SEBOX: variants seen among roughly 807,000 people sequenced by gnomAD.
The protein encoded by SEBOX is SEBOX homeobox, also known as homeobox protein SEBOX.
SEBOX carries 10 observed loss-of-function variants against 7.8 expected under a neutral mutation model. That is an observed-to-expected ratio of 1.28 (90% CI 0.79 to 2.17). SEBOX has a LOEUF of 2.17. SEBOX is among the 30% of genes most tolerant of loss of function. SEBOX has a pLI of 0.00. For synonymous variants in SEBOX, 98 were observed against 91.5 expected (o/e 1.07, Z -0.40); for missense variants, 240 against 239.5 (o/e 1.00, Z -0.01).
chr17:28,364,566 C>T lies in SEBOX; in HGVS notation c.275G>A (p.Ser92Asn), dbSNP rs368941275. 3.2e-6 allele frequency: 5 copies of T among 1,570,542 alleles called. No individual in the cohort carries two copies. The highest frequency in any genetic ancestry group is 1.2e-5 in the South Asian group (1 of 84,458). Residue 92 changes from serine to asparagine, a missense_variant, in exon 3 of 3, where the codon AGC becomes AAC. Coordinates refer to ENST00000536498, the MANE Select transcript of SEBOX (RefSeq NM_001080837.4). ...GAGGGTGTCTGGAAGAGAACAGGAG[C>T]TCTGGGGGCACTCAGACCCAGGGCT... ...ILSPGSECPQSSCSLPDTLQQ... is the reference protein window; with the variant it reads ...ILSPGSECPQNSCSLPDTLQQ...
intron 1 of SEBOX, 45 bp from the exon 2 acceptor site, chr17:28,365,000 C>T (rs1439611715): frequency 6.3e-7 from 1 of 1,589,144 alleles, no homozygotes; most frequent in East Asian, 2.3e-5. Context: ...CTGCAAGAGC[C>T]TCCACCCAGC....
rs782770054 is a variant in SEBOX, at chr17:28,364,501, G to T, written c.340C>A (p.Pro114Thr). 1 of 1,607,528 alleles carries T rather than the reference G, an allele frequency of 6.2e-7. No homozygotes were observed. Among genetic ancestry groups the T allele is most frequent in the Non-Finnish European group, 8.5e-7 (1 of 1,175,264 alleles). ...GTGCGCTGAGGTGTGCCGCTGGAGG[G>T]TGGAGGTTGGCCTGGCATTTGGGGA... ...WDPQMPGQPP[P>T]SSGTPQRTSV... Residue 114 changes from proline (P) to threonine (T), a missense_variant, in exon 3 of 3, where the codon CCC (proline) becomes ACC (threonine). By Grantham distance (38) the Pro-to-Thr change is conservative (BLOSUM62 -1). Transcript: ENST00000536498.
rs929121429 is a variant in SEBOX at position 28,363,941 on chromosome 17, G to T, written c.*327C>A. 2.6e-5 allele frequency among the ~76,000 whole-genome samples: 4 copies of T among 152,166 alleles called. No individual in the cohort carries two copies. Among genetic ancestry groups the T allele is most frequent in the Admixed American group, 6.5e-5 (1 of 15,282 alleles). On this transcript the variant is annotated 3_prime_UTR_variant, in exon 3 of 3. Coordinates refer to ENST00000536498, the MANE Select transcript of SEBOX (RefSeq NM_001080837.4). ...GGAGGCCATCAGCTGGTGAGAACTG[G>T]GGACCAGGCCTGGCAAGAGTGGAGG...
Position 28,364,137 on chromosome 17 carries a change from T to C in SEBOX, c.*131A>G. On this transcript the variant is annotated 3_prime_UTR_variant, in exon 3 of 3. Coordinates refer to ENST00000536498, the MANE Select transcript of SEBOX (RefSeq NM_001080837.4). ...GAAGGGAGGGATGCCTGAGCTAAAC[T>C]CCTTTCCCGTAGGGAATCCCTTTGC... is the stretch of plus-strand genomic sequence containing the variant. The C allele has an allele frequency of 2.1e-6, 2 of 930,428 alleles. No individual in the cohort carries two copies. Among genetic ancestry groups the C allele is most frequent in the Non-Finnish European group, 3.1e-6 (2 of 637,910 alleles). 57.6% of individuals were successfully genotyped at this position (930,428 alleles called of 1,614,324 possible). A position where few individuals can be genotyped will look rare whatever the true frequency, so the allele number is the denominator to read the frequency against.
Position 28,364,539 on chromosome 17 carries a change from T to C in SEBOX, c.302A>G (p.Gln101Arg), listed in dbSNP as rs1555582695. The C allele has an allele frequency of 1.9e-6, 3 of 1,599,386 alleles. No individual in the cohort carries two copies. The highest frequency in any genetic ancestry group is 2.6e-6 in the Non-Finnish European group (3 of 1,170,834). ...QSSCSLPDTL[Q>R]QPWDPQMPGQ... The stretch of plus-strand genomic sequence containing the variant: ...TGGCATTTGGGGATCCCAGGGCTGC[T>C]GGAGGGTGTCTGGAAGAGAACAGGA... Residue 101 changes from glutamine to arginine, a missense_variant, in exon 3 of 3, where the codon CAG becomes CGG. By Grantham distance (43) the Gln-to-Arg change is conservative (BLOSUM62 1). Coordinates refer to ENST00000536498, the MANE Select transcript of SEBOX (RefSeq NM_001080837.4).
At chr17:28,364,761 G>A in intron 2 of SEBOX, 34 bp downstream of exon 2, 1 of 1,612,566 alleles carries the variant, frequency 6.2e-7, no homozygotes, top group African/African-American at 1.3e-5. Flanking sequence ...GCCAAGCCTA[G>A]ATGTTGGCTG....
chr17:28,364,713 A>C (rs533239438), intron 2 of SEBOX, 65 bp from the exon 3 acceptor site: 1 of 1,586,286 alleles, frequency 6.3e-7, no homozygotes, highest in African/African-American at 1.3e-5. Context: ...GACAGGGGAA[A>C]CAACCTGAAG....
rs782784546 is a variant in SEBOX, at chr17:28,364,969, T to A, written c.32-14A>T. 23 of 1,605,266 alleles carry A rather than the reference T, an allele frequency of 1.4e-5. No individual in the cohort carries two copies. The South Asian group carries it at 2.4e-4, about 17-fold the overall frequency. On this transcript the variant is annotated splice_polypyrimidine_tract_variant and intron_variant, in intron 1 of 2. Transcript: ENST00000536498. ...CGCTGCCACCGTCTGCAGGCCATGG[T>A]GGGGGTCAAGCTGGGACTCCCTGCA...
In SEBOX at chr17:28,364,220, G is replaced by A. The variant is rs782019625; in HGVS notation, c.*48C>T. On this transcript the variant is annotated 3_prime_UTR_variant, in exon 3 of 3. Transcript: ENST00000536498. ...TGTGTTCAATCCCAGGAGGGGCAGG[G>A]TGGGCCACAGGAGTCAGAGGAGGGG... The A allele has an allele frequency of 1.9e-6, 3 of 1,548,568 alleles. No individual in the cohort carries two copies. The highest frequency in any genetic ancestry group is 2.6e-6 in the Non-Finnish European group (3 of 1,142,146).
Position 28,364,496 on chromosome 17 carries a change from G to A in SEBOX, c.345C>T (p.Ser115=). 4 of 1,607,968 alleles carry A rather than the reference G, an allele frequency of 2.5e-6. No individual in the cohort carries two copies. Among genetic ancestry groups the A allele is most frequent in the Non-Finnish European group, 3.4e-6 (4 of 1,175,602 alleles). Residue 115 remains serine (S), a synonymous_variant, in exon 3 of 3, where the codon TCC becomes TCT. Coordinates refer to ENST00000536498, the MANE Select transcript of SEBOX (RefSeq NM_001080837.4). ...CTGAGGTGCGCTGAGGTGTGCCGCT[G>A]GAGGGTGGAGGTTGGCCTGGCATTT... is the stretch of plus-strand genomic sequence containing the variant. ...DPQMPGQPPP[S]SGTPQRTSVC... is the part of the protein sequence containing the mutation.
chr17:28,365,099 C>A (rs1294212179), intron 1 of SEBOX, 22 bp downstream of exon 1: 5 of 1,600,806 alleles, frequency 3.1e-6, no homozygotes, highest in Non-Finnish European at 4.3e-6. Flanking sequence ...TCACCCTGCC[C>A]ACACTTCCCC....
Position 28,364,818 on chromosome 17 carries a change from A to C in SEBOX, c.169T>G (p.Cys57Gly). 1.9e-6 allele frequency: 3 copies of C among 1,613,916 alleles called. No homozygotes were observed. Among genetic ancestry groups the C allele is most frequent in the African/African-American group, 1.3e-5 (1 of 75,060 alleles). The change falls in exon 2 of 3, where the codon TGC (cysteine) becomes GGC (glycine). Residue 57 changes from cysteine to glycine, a missense_variant. Transcript: ENST00000536498. ...STHEHLAWVT[C>G]LPEAKVQVWF... ...ACCTGTACCTTGGCCTCAGGAAGGC[A>C]AGTGACCCAGGCCAGGTGCTCATGG...
chr17:28,364,582 A>G lies in SEBOX; in HGVS notation c.259T>C (p.Ser87Pro), dbSNP rs782487813. ...NRKSGILSPGSECPQSSCSLP... is the reference protein window; with the variant it reads ...NRKSGILSPGPECPQSSCSLP... ...GAACAGGAGCTCTGGGGGCACTCAG[A>G]CCCAGGGCTTAGAATTCCTGACTTC... The change falls in exon 3 of 3, where the codon TCT becomes CCT. Residue 87 changes from serine (S) to proline (P), a missense_variant. Coordinates refer to ENST00000536498, the MANE Select transcript of SEBOX (RefSeq NM_001080837.4). 1 of 1,554,444 alleles carries G rather than the reference A, an allele frequency of 6.4e-7. No individual in the cohort carries two copies. The highest frequency in any genetic ancestry group is 1.2e-5 in the South Asian group (1 of 81,124).
Position 28,364,937 on chromosome 17 carries a change from C to T in SEBOX, c.50G>A (p.Gly17Asp). 1 of 1,612,086 alleles carries T rather than the reference C, an allele frequency of 6.2e-7. No individual in the cohort carries two copies. Among genetic ancestry groups the T allele is most frequent in the Non-Finnish European group, 8.5e-7 (1 of 1,179,246 alleles). The change falls in exon 2 of 3, where the codon GGT becomes GAT. Residue 17 changes from glycine (G) to aspartate (D), a missense_variant. Coordinates refer to ENST00000536498, the MANE Select transcript of SEBOX (RefSeq NM_001080837.4). ...GGTGGTCCGCTTTCTCCGGTGGGAACCCAACCCGCTGCCACCGTCTGCAGG... is the reference window on the plus strand; with the variant it reads ...GGTGGTCCGCTTTCTCCGGTGGGAATCCAACCCGCTGCCACCGTCTGCAGG... ...ASSADGGSGL[G>D]SHRRKRTTFS...
At position 28,364,169 on chromosome 17, in the gene SEBOX, AG is replaced by A; in HGVS notation, c.*98del. On this transcript the variant is annotated 3_prime_UTR_variant, in exon 3 of 3. Transcript: ENST00000536498. ...CCGTAGGGAATCCCTTTGCATAAAA[AG>A]TGGGGCCAGGGAATCCACTTCTGAT... 1 of 1,189,086 alleles carries A rather than the reference AG, an allele frequency of 8.4e-7. No homozygotes were observed. The highest frequency in any genetic ancestry group is 1.2e-6 in the Non-Finnish European group (1 of 863,306). 73.7% of individuals were successfully genotyped at this position (1,189,086 alleles called of 1,614,324 possible). A position where few individuals can be genotyped will look rare whatever the true frequency, so the allele number is the denominator to read the frequency against.
chr17:28,364,261 A>C lies in SEBOX; in HGVS notation c.*7T>G, dbSNP rs1555582595. On this transcript the variant is annotated 3_prime_UTR_variant, in exon 3 of 3. Coordinates refer to ENST00000536498, the MANE Select transcript of SEBOX (RefSeq NM_001080837.4). ...AGAGGAGGGGCCTTGCAAGTTCTGG[A>C]CAAAGACTAGGAGTGGTCCACATTG... 1 of 1,598,022 alleles carries C rather than the reference A, an allele frequency of 6.3e-7. No homozygotes were observed. Among genetic ancestry groups the C allele is most frequent in the South Asian group, 1.1e-5 (1 of 88,888 alleles).
chr17:28,364,604 CT>C lies in SEBOX; in HGVS notation c.236del (p.Lys79SerfsTer5). ...CAGACCCAGGGCTTAGAATTCCTGA[CT>C]TCCTGTTCTTGATTATTTTGGCCCA... ...KRWAKIIKNRKSGILSPGSEC... is the reference protein window; with the variant it reads ...KRWAKIIKNRXSGILSPGSEC... On this transcript the variant is annotated frameshift_variant, in exon 3 of 3. Coordinates refer to ENST00000536498, the MANE Select transcript of SEBOX (RefSeq NM_001080837.4). LOFTEE classifies it low-confidence loss of function (END_TRUNC). The C allele has an allele frequency of 6.5e-7, 1 of 1,544,712 alleles. No homozygotes were observed.
rs781927397 is a variant in SEBOX at position 28,364,479 on chromosome 17, C to G, written c.362G>C (p.Arg121Pro). The change falls in exon 3 of 3, where the codon CGC (arginine) becomes CCC (proline). Residue 121 changes from arginine to proline, a missense_variant. By Grantham distance (103) the Arg-to-Pro change is moderately radical (BLOSUM62 -2). Transcript: ENST00000536498. ...QPPPSSGTPQ[R>P]TSVCRHSSCP... is the part of the protein sequence containing the mutation. The stretch of plus-strand genomic sequence containing the variant: ...GGAGCTATGTCGACACACTGAGGTG[C>G]GCTGAGGTGTGCCGCTGGAGGGTGG... The G allele has an allele frequency of 6.8e-6, 11 of 1,607,862 alleles. No individual in the cohort carries two copies. In the East Asian group the frequency reaches 2.5e-4, roughly 36 times the overall value.
rs782117108 is a variant in SEBOX, at chr17:28,364,833, GGTGCTCATGGGT to G, written c.142_153del (p.Thr48_His51del). 1 of 1,613,936 alleles carries G rather than the reference GGTGCTCATGGGT, an allele frequency of 6.2e-7. No homozygotes were observed. Among genetic ancestry groups the G allele is most frequent in the South Asian group, 1.1e-5 (1 of 91,080 alleles). ...TCAGGAAGGCAAGTGACCCAGGCCA[GGTGCTCATGGGT>G]GCTGATGTTGGGGTAGGGCCATGCT... is the stretch of plus-strand genomic sequence containing the variant. On this transcript the variant is annotated inframe_deletion, in exon 2 of 3. Transcript: ENST00000536498.
Sources: allele counts gnomAD v4.1 joint callset (sites outside exome capture counted in the v4.1 genomes callset), GRCh38; gene constraint gnomAD v4.1.1; transcripts MANE v1.5; gene names NCBI Gene and HGNC (gene_info 2026-07-23, HGNC 2026-07-21).